DGKD: variants seen among roughly 807,000 people sequenced by gnomAD.
DGKD encodes DAG kinase delta.
In DGKD, 68 loss-of-function variants were observed where a neutral mutation model predicts 154.4. The observed-to-expected ratio is 0.44, with a 90% CI of 0.36 to 0.54. The LOEUF is 0.54. DGKD is among the 20% of genes least tolerant of loss of function. The pLI, the probability that DGKD is intolerant of heterozygous loss-of-function variation, is 0.00. For missense variants in DGKD, 1,343 were observed against 1,593.6 expected, an observed-to-expected ratio of 0.84 and a Z score of 2.68; for synonymous variants, 693 against 638.0, an observed-to-expected ratio of 1.09 and a Z score of -1.30.
At chr2:233,361,726 A>G (rs1701789964) in intron 1 of DGKD, among the ~76,000 whole-genome samples, 1 of 152,250 alleles carries the variant, frequency 6.6e-6, no homozygotes, top group African/African-American at 2.4e-5. Context: ...CAGGTGGATC[A>G]TTGGAGGTCA....
chr2:233,447,080 G>A (rs2063102183), intron 12 of DGKD, among the ~76,000 whole-genome samples: 1 of 152,172 alleles, frequency 6.6e-6, no homozygotes, highest in African/African-American at 2.4e-5. Flanking sequence ...CCCTGTCCGT[G>A]CATCTCCTCA....
At position 233,471,064 on chromosome 2, in the gene DGKD, C is replaced by T. The variant is rs1024460067; in HGVS notation, c.*1604C>T. 6.6e-6 allele frequency: 1 copy of T among 152,536 alleles called. No homozygotes were observed. Among genetic ancestry groups the T allele is most frequent in the Non-Finnish European group, 1.5e-5 (1 of 68,260 alleles). 9.4% of individuals were successfully genotyped at this position (152,536 alleles called of 1,614,324 possible). A position where few individuals can be genotyped will look rare whatever the true frequency, so the allele number is the denominator to read the frequency against. On this transcript the variant is annotated 3_prime_UTR_variant, in exon 30 of 30. Transcript: ENST00000264057. ...CCTCCCACTCACAGCCCCTCTGTCC[C>T]CTCTGCAGTGCACCCAGGTGGGCCC...
chr2:233,407,629 C>T (rs530022603), intron 3 of DGKD, among the ~76,000 whole-genome samples: 6 of 152,024 alleles, frequency 3.9e-5, no homozygotes, highest in Non-Finnish European at 5.9e-5. Context: ...TATCCAGGTA[C>T]GGAGGCATGC....
chr2:233,362,390 A>G (rs1701826679), intron 1 of DGKD, among the ~76,000 whole-genome samples: 1 of 152,162 alleles, frequency 6.6e-6, no homozygotes, highest in South Asian at 2.1e-4. Context: ...GTGACTCACG[A>G]CTGTAATCCC....
At chr2:233,357,433 T>C (rs760866852) in intron 1 of DGKD, among the ~76,000 whole-genome samples, 2 of 152,148 alleles carry the variant, frequency 1.3e-5, no homozygotes, top group Non-Finnish European at 2.9e-5. Flanking sequence ...AATTTTAATG[T>C]GCAGACACAT....
Position 233,469,714 on chromosome 2 carries a change from G to A in DGKD, c.*254G>A. The A allele has an allele frequency of 2.0e-6, 1 of 500,708 alleles. No individual in the cohort carries two copies. 31.0% of individuals were successfully genotyped at this position (500,708 alleles called of 1,614,324 possible). A position where few individuals can be genotyped will look rare whatever the true frequency, so the allele number is the denominator to read the frequency against. ...CACTTTCTCCAGCTCAGAGTCACCT[G>A]GGGCACATGTGTCACGGCCACTCAG... On this transcript the variant is annotated 3_prime_UTR_variant, in exon 30 of 30. Coordinates refer to ENST00000264057, the MANE Select transcript of DGKD (RefSeq NM_152879.3).
intron 24 of DGKD, among the ~76,000 whole-genome samples, chr2:233,462,104 C>T (rs1052114471): frequency 1.3e-5 from 2 of 152,220 alleles, no homozygotes; most frequent in Admixed American, 6.5e-5. Flanking sequence ...CATTTCTCTC[C>T]CTGGAAAATC....
chr2:233,401,434 T>C (rs1266739296), intron 3 of DGKD, among the ~76,000 whole-genome samples: 1 of 152,206 alleles, frequency 6.6e-6, no homozygotes, highest in Non-Finnish European at 1.5e-5. Flanking sequence ...ATAATAACTT[T>C]AATTGAACAA....
rs1324555580 is a variant in DGKD at position 233,468,524 on chromosome 2, C to G, written c.3526C>G (p.Leu1176Val). The change falls in exon 29 of 30, where the codon CTC (leucine) becomes GTC (valine). Residue 1176 changes from leucine (L) to valine (V), a missense_variant. Physicochemically the swap from Leu to Val is conservative, Grantham distance 32. Coordinates refer to ENST00000264057, the MANE Select transcript of DGKD (RefSeq NM_152879.3). ...FTRHDIRGSE[L>V]LHLERRDLKD... Reference sequence around the variant, plus strand: ...ACGGCACGACATCCGGGGCTCTGAGCTCCTGCACCTGGAGCGGAGGGACCT... The same window carrying G: ...ACGGCACGACATCCGGGGCTCTGAGGTCCTGCACCTGGAGCGGAGGGACCT... 2 of 1,613,750 alleles carry G rather than the reference C, an allele frequency of 1.2e-6. No homozygotes were observed. The highest frequency in any genetic ancestry group is 1.7e-6 in the Non-Finnish European group (2 of 1,180,000).
chr2:233,423,558 G>A (rs2062189281), intron 3 of DGKD, among the ~76,000 whole-genome samples: 1 of 152,120 alleles, frequency 6.6e-6, no homozygotes, highest in Admixed American at 6.5e-5. Flanking sequence ...TTGTGCTGTC[G>A]GGGGTGAGGA....
chr2:233,424,327 G>A (rs369469954), intron 3 of DGKD, among the ~76,000 whole-genome samples: 1 of 152,274 alleles, frequency 6.6e-6, no homozygotes, highest in East Asian at 1.9e-4. Flanking sequence ...AGCCATTTGG[G>A]TGCTGTGATT....
At chr2:233,432,925 T>C (rs1282843217) in intron 3 of DGKD, among the ~76,000 whole-genome samples, 9 of 152,174 alleles carry the variant, frequency 5.9e-5, no homozygotes, top group Non-Finnish European at 1.2e-4. Flanking sequence ...ATGACTTTTA[T>C]CCAAAAGACA....
chr2:233,463,821 T>G, intron 26 of DGKD: 1 of 306,780 alleles, frequency 3.3e-6, no homozygotes, highest in Non-Finnish European at 6.3e-6. Flanking sequence ...TCCTGCAAGG[T>G]TCGACTGCTG....
chr2:233,467,304 C>G (rs2063853878), intron 28 of DGKD, 101 bp downstream of exon 28: 1 of 821,208 alleles, frequency 1.2e-6, no homozygotes, highest in Admixed American at 1.8e-5. Flanking sequence ...GCAGCTCCTC[C>G]CTCTTGGTCC....
At chr2:233,421,917 C>T (rs2062129850) in intron 3 of DGKD, among the ~76,000 whole-genome samples, 1 of 152,210 alleles carries the variant, frequency 6.6e-6, no homozygotes. Context: ...GAATTTGGAG[C>T]CCAATGATGA....
At chr2:233,388,573 T>C in intron 2 of DGKD, 1 of 480,098 alleles carries the variant, frequency 2.1e-6, no homozygotes. Context: ...CTGTTCATTT[T>C]CCTTTTCTTT....
chr2:233,457,782 G>T lies in DGKD; in HGVS notation c.2580+454G>T. On this transcript the variant is annotated intron_variant, in intron 21 of 29. Transcript: ENST00000264057. This position sits in a 1 kb window ranked among gnomAD's most constrained non-coding sequence, Gnocchi z 5.5. ...CTGCAGTGGGCAGCAGGGGCGTGGA[G>T]AGACAGGAGAGGGCTGCAGGGCCTG... The T allele has an allele frequency of 2.8e-6, 1 of 359,406 alleles. No individual in the cohort carries two copies. The highest frequency in any genetic ancestry group is 5.5e-6 in the Non-Finnish European group (1 of 182,244). 22.3% of individuals were successfully genotyped at this position (359,406 alleles called of 1,614,324 possible). A position where few individuals can be genotyped will look rare whatever the true frequency, so the allele number is the denominator to read the frequency against.
At chr2:233,418,450 G>A (rs1266680293) in intron 3 of DGKD, among the ~76,000 whole-genome samples, 1 of 152,200 alleles carries the variant, frequency 6.6e-6, no homozygotes, top group Non-Finnish European at 1.5e-5. Context: ...TAGTGAATAG[G>A]TAAGTAACAC....
In DGKD at chr2:233,441,777, T is replaced by C; in HGVS notation, c.1086-110T>C. The stretch of plus-strand genomic sequence containing the variant: ...GGGCCTGTGCGTGCTCTGCCTCTGG[T>C]GCAGGTCAGCCATGAGGAGCACAGG... On this transcript the variant is annotated intron_variant, in intron 9 of 29. Transcript: ENST00000264057. This position sits in a 1 kb window ranked among gnomAD's most constrained non-coding sequence, Gnocchi z 5.6. 1 of 960,778 alleles carries C rather than the reference T, an allele frequency of 1.0e-6. No homozygotes were observed. Among genetic ancestry groups the C allele is most frequent in the Non-Finnish European group, 1.6e-6 (1 of 626,394 alleles). 59.5% of individuals were successfully genotyped at this position (960,778 alleles called of 1,614,324 possible).
Sources: gnomAD v4.1 joint callset for allele counts (sites outside exome capture counted in the v4.1 genomes callset) on GRCh38, gnomAD v4.1.1 for gene constraint, Gnocchi (gnomAD v3.1) non-coding constraint, MANE v1.5 for transcripts, NCBI Gene and HGNC (gene_info 2026-07-23, HGNC 2026-07-21) for gene names.